Variants in AMOTL1 observed in about 807,000 individuals in gnomAD.
AMOTL1 encodes the protein angiomotin like 1.
Under a neutral mutation model 102.9 loss-of-function variants are expected in AMOTL1, and 45 were observed. The observed-to-expected ratio is 0.44, with a 90% CI of 0.34 to 0.56. AMOTL1 has a LOEUF of 0.56. AMOTL1 is among the 20% of genes least tolerant of loss of function. The pLI is 0.01. For missense variants in AMOTL1, 1,114 were observed against 1,225.6 expected, an observed-to-expected ratio of 0.91 and a Z score of 1.36; for synonymous variants, 481 against 484.7, an observed-to-expected ratio of 0.99 and a Z score of 0.10.
intron 3 of AMOTL1, among the ~76,000 whole-genome samples, chr11:94,821,246 A>G (rs1951860278): frequency 6.6e-6 from 1 of 152,130 alleles, no homozygotes; most frequent in Non-Finnish European, 1.5e-5. Context: ...TTTGGAGAGT[A>G]CTTGTTACGT....
intron 6 of AMOTL1, among the ~76,000 whole-genome samples, chr11:94,848,480 C>CT (rs1412049507): frequency 6.6e-6 from 1 of 152,152 alleles, no homozygotes; most frequent in Non-Finnish European, 1.5e-5. Flanking sequence ...CTCCTTCAGT[C>CT]TATCGATTCA....
At chr11:94,707,900 G>C (rs4753146) in intron 1 of AMOTL1, among the ~76,000 whole-genome samples, 113,859 of 152,008 alleles carry the variant, frequency 0.75, 46,965 homozygotes, top group Non-Finnish European at 0.92. Context: ...GTTTAAAGCC[G>C]TTATCAATTT....
intron 3 of AMOTL1, among the ~76,000 whole-genome samples, chr11:94,757,691 CAG>C (rs1339187090): frequency 6.6e-6 from 1 of 152,194 alleles, no homozygotes; most frequent in Non-Finnish European, 1.5e-5. Flanking sequence ...GGGCAGGCCT[CAG>C]AGTGCTTTCC....
At chr11:94,756,580 G>A (rs1950728074) in intron 3 of AMOTL1, among the ~76,000 whole-genome samples, 1 of 152,110 alleles carries the variant, frequency 6.6e-6, no homozygotes, top group Non-Finnish European at 1.5e-5. Flanking sequence ...ACCCACAATT[G>A]GGTGACCAAC....
At chr11:94,797,316 A>G (rs1045503136) in intron 2 of AMOTL1, among the ~76,000 whole-genome samples, 14 of 152,370 alleles carry the variant, frequency 9.2e-5, no homozygotes, top group Non-Finnish European at 5.9e-5. Context: ...ATAATGCTAT[A>G]ATAATATCCT....
chr11:94,826,060 G>C (rs1323160800), intron 4 of AMOTL1, among the ~76,000 whole-genome samples: 1 of 152,156 alleles, frequency 6.6e-6, no homozygotes, highest in Non-Finnish European at 1.5e-5. Flanking sequence ...CAAGGCAGGT[G>C]GATCACTTGA....
At chr11:94,709,363 G>GGA (rs1949984200) in intron 1 of AMOTL1, among the ~76,000 whole-genome samples, 1 of 150,330 alleles carries the variant, frequency 6.7e-6, no homozygotes, top group Non-Finnish European at 1.5e-5. Flanking sequence ...GCTCTCTGGA[G>GGA]AAAAAAAAAA....
At chr11:94,724,623 T>C (rs536729376) in intron 1 of AMOTL1, among the ~76,000 whole-genome samples, 2 of 152,288 alleles carry the variant, frequency 1.3e-5, no homozygotes, top group South Asian at 4.1e-4. Flanking sequence ...TCTGTAATGA[T>C]ACGTTCATAT....
chr11:94,792,684 G>T (rs1340948686), intron 1 of AMOTL1, among the ~76,000 whole-genome samples: 2 of 152,216 alleles, frequency 1.3e-5, no homozygotes, highest in African/African-American at 4.8e-5. Flanking sequence ...CCCTGGGTGT[G>T]TGTGAAGAAG....
chr11:94,837,693 G>C (rs1359996707), intron 6 of AMOTL1, among the ~76,000 whole-genome samples: 1 of 152,212 alleles, frequency 6.6e-6, no homozygotes, highest in Non-Finnish European at 1.5e-5. Context: ...ATTAGGCTCT[G>C]ATTTGCCATG....
chr11:94,757,887 C>A (rs1407229216), intron 3 of AMOTL1, among the ~76,000 whole-genome samples: 1 of 152,174 alleles, frequency 6.6e-6, no homozygotes, highest in Non-Finnish European at 1.5e-5. Flanking sequence ...CATGGTGAAA[C>A]CCCGTCTCTA....
intron 3 of AMOTL1, among the ~76,000 whole-genome samples, chr11:94,754,863 CT>C: frequency 6.6e-6 from 1 of 152,264 alleles, no homozygotes; most frequent in South Asian, 2.1e-4. Flanking sequence ...ACACATAATA[CT>C]AAAATATTTT....
chr11:94,855,613 A>G (rs1411528781), intron 8 of AMOTL1, among the ~76,000 whole-genome samples: 1 of 152,182 alleles, frequency 6.6e-6, no homozygotes, highest in Non-Finnish European at 1.5e-5. Flanking sequence ...CCTGGTTAAT[A>G]TGCCGTCCAC....
chr11:94,723,597 G>A (rs1343523769), intron 1 of AMOTL1, among the ~76,000 whole-genome samples: 1 of 151,988 alleles, frequency 6.6e-6, no homozygotes. Context: ...TGAAATAATG[G>A]TTTCCAAGTG....
rs1953072440 is a variant in AMOTL1, at chr11:94,875,035, G to A, written c.*4240G>A. 1.3e-5 allele frequency: 2 copies of A among 152,234 alleles called. No individual in the cohort carries two copies. The highest frequency in any genetic ancestry group is 4.8e-5 in the African/African-American group (2 of 41,458). The allele number at this position is 152,234 out of a possible 1,614,324, so 9.4% of individuals were successfully genotyped here. A position where few individuals can be genotyped will look rare whatever the true frequency, so the allele number is the denominator to read the frequency against. Reference sequence around the variant, plus strand: ...TCTTAAATGGGTAAGGCTTTAAGTAGCCAGAGAGTATCCAGCCTACCATTG... The same window carrying A: ...TCTTAAATGGGTAAGGCTTTAAGTAACCAGAGAGTATCCAGCCTACCATTG... On this transcript the variant is annotated 3_prime_UTR_variant, in exon 13 of 13. Transcript: ENST00000433060.
chr11:94,837,478 C>T (rs1012086051), intron 6 of AMOTL1, among the ~76,000 whole-genome samples: 25 of 152,196 alleles, frequency 1.6e-4, no homozygotes, highest in African/African-American at 6.0e-4. Context: ...CAAAGAATGC[C>T]TGCGTGGTTT....
At chr11:94,714,639 A>G (rs1312700546) in intron 1 of AMOTL1, among the ~76,000 whole-genome samples, 1 of 152,066 alleles carries the variant, frequency 6.6e-6, no homozygotes, top group Non-Finnish European at 1.5e-5. Flanking sequence ...CATTTCTTTG[A>G]AATTGTTGAA....
rs140048340 is a variant in AMOTL1, at chr11:94,815,881, C to T, written c.1122-5649C>T. Among the ~76,000 whole-genome samples the T allele has an allele frequency of 4.2e-3, 634 of 151,906 alleles. 12 individuals carry two copies. Among genetic ancestry groups the T allele is most frequent in the South Asian group, 0.035 (167 of 4,808 alleles). ...TATTCAGGACAAACCAGAAAGTCCA[C>T]GTATGCCATGAATGGTCTGTGTAAG... is the stretch of plus-strand genomic sequence containing the variant. On this transcript the variant is annotated intron_variant, in intron 3 of 12. Transcript: ENST00000433060.
chr11:94,803,776 A>T (rs1565359151), intron 3 of AMOTL1, among the ~76,000 whole-genome samples: 1 of 152,250 alleles, frequency 6.6e-6, no homozygotes, highest in Non-Finnish European at 1.5e-5. Context: ...TATATTAGTC[A>T]ACATGCATAT....
Sources: allele counts gnomAD v4.1 joint callset (sites outside exome capture counted in the v4.1 genomes callset), GRCh38; gene constraint gnomAD v4.1.1; transcripts MANE v1.5; gene names NCBI Gene and HGNC (gene_info 2026-07-23, HGNC 2026-07-21).